Variants in CSGALNACT1 observed in about 807,000 individuals in gnomAD.
CSGALNACT1 encodes chondroitin sulfate N-acetylgalactosaminyltransferase 1.
Under a neutral mutation model 51.0 loss-of-function variants are expected in CSGALNACT1, and 52 were observed. The observed-to-expected ratio is 1.02, with a 90% CI of 0.82 to 1.29. The LOEUF (loss-of-function observed/expected upper bound fraction) is 1.29, where lower values mean the gene tolerates loss of function less well. Ranked by LOEUF, CSGALNACT1 falls within the 50% of genes most tolerant of loss-of-function variation. CSGALNACT1 has a pLI of 0.00. For synonymous variants in CSGALNACT1, 341 were observed against 254.4 expected (o/e 1.34, Z -3.24); for missense variants, 935 against 679.2 (o/e 1.38, Z -4.19).
Position 19,505,185 on chromosome 8 carries a change from T to A in CSGALNACT1, c.634+16A>T. The A allele has an allele frequency of 5.0e-6, 8 of 1,614,070 alleles. No homozygotes were observed. Among genetic ancestry groups the A allele is most frequent in the Non-Finnish European group, 6.8e-6 (8 of 1,179,962 alleles). ...TCCTTTTCTTCTCCTTTCCCCCCAA[T>A]TCACAAAATGCTAACCTTCTATGAA... On this transcript the variant is annotated intron_variant, in intron 4 of 9. Transcript: ENST00000454498.
At chr8:19,637,011 G>C (rs575698862) in intron 1 of CSGALNACT1, among the ~76,000 whole-genome samples, 14 of 150,186 alleles carry the variant, frequency 9.3e-5, no homozygotes, top group Admixed American at 4.0e-4. Context: ...CCAACATGGA[G>C]AAACCCTGTT....
At chr8:19,460,067 G>A (rs1221540696) in intron 4 of CSGALNACT1, among the ~76,000 whole-genome samples, 1 of 152,054 alleles carries the variant, frequency 6.6e-6, no homozygotes, top group Non-Finnish European at 1.5e-5. Context: ...CACTGTCTCT[G>A]GTATTATGAA....
chr8:19,534,131 G>C (rs116518475), intron 3 of CSGALNACT1, among the ~76,000 whole-genome samples: 4,819 of 152,214 alleles, frequency 0.032, 272 homozygotes, highest in African/African-American at 0.11. Flanking sequence ...CTTGATGTTA[G>C]CAAGTTCATA....
At chr8:19,588,406 G>A (rs2047113742) in intron 3 of CSGALNACT1, among the ~76,000 whole-genome samples, 1 of 152,140 alleles carries the variant, frequency 6.6e-6, no homozygotes, top group African/African-American at 2.4e-5. Context: ...AGTATTATTT[G>A]ATTCCAAGTA....
At chr8:19,679,098 A>G (rs564579593) in intron 1 of CSGALNACT1, among the ~76,000 whole-genome samples, 1 of 152,302 alleles carries the variant, frequency 6.6e-6, no homozygotes, top group East Asian at 1.9e-4. Flanking sequence ...AACTTTCATA[A>G]TTATTCTATG....
chr8:19,466,505 G>C (rs2066715350), intron 4 of CSGALNACT1, among the ~76,000 whole-genome samples: 1 of 152,178 alleles, frequency 6.6e-6, no homozygotes, highest in African/African-American at 2.4e-5. Flanking sequence ...CTCTAAAATA[G>C]TATTTTTTAT....
intron 3 of CSGALNACT1, among the ~76,000 whole-genome samples, chr8:19,539,805 A>C (rs2084665088): frequency 6.6e-6 from 1 of 152,150 alleles, no homozygotes; most frequent in South Asian, 2.1e-4. Context: ...TGCCCCTCCT[A>C]CACCCCTGCT....
intron 3 of CSGALNACT1, among the ~76,000 whole-genome samples, chr8:19,570,716 A>G (rs913680932): frequency 2.0e-5 from 3 of 152,202 alleles, no homozygotes; most frequent in Non-Finnish European, 2.9e-5. Flanking sequence ...CTCGGCCAAC[A>G]TGGTGAAACC....
chr8:19,640,967 G>C (rs568923403), intron 1 of CSGALNACT1, among the ~76,000 whole-genome samples: 22 of 151,736 alleles, frequency 1.4e-4, no homozygotes, highest in African/African-American at 5.1e-4. Flanking sequence ...AAACCATAGA[G>C]AAACCCATTA....
At chr8:19,659,574 A>G (rs1052019116) in intron 1 of CSGALNACT1, among the ~76,000 whole-genome samples, 1 of 152,258 alleles carries the variant, frequency 6.6e-6, no homozygotes, top group African/African-American at 2.4e-5. Flanking sequence ...AAATATTTGA[A>G]TTGAATCTGC....
intron 3 of CSGALNACT1, among the ~76,000 whole-genome samples, chr8:19,550,812 A>G (rs2087841701): frequency 6.6e-6 from 1 of 152,208 alleles, no homozygotes; most frequent in African/African-American, 2.4e-5. Flanking sequence ...CTGGGTGCTT[A>G]GAAGGAAGAT....
At chr8:19,416,501 T>G (rs139088541) in intron 8 of CSGALNACT1, among the ~76,000 whole-genome samples, 13 of 152,324 alleles carry the variant, frequency 8.5e-5, no homozygotes, top group South Asian at 2.1e-4. Flanking sequence ...GTCACAGGCC[T>G]TCACATTCAC....
intron 2 of CSGALNACT1, among the ~76,000 whole-genome samples, chr8:19,596,869 A>G (rs377125911): frequency 1.8e-4 from 28 of 152,340 alleles, no homozygotes; most frequent in Non-Finnish European, 4.1e-4. Flanking sequence ...ATTTTTAAGT[A>G]TACAGTCCAG....
At chr8:19,547,432 T>C (rs2086727233) in intron 3 of CSGALNACT1, among the ~76,000 whole-genome samples, 3 of 57,490 alleles carry the variant, frequency 5.2e-5, no homozygotes, top group African/African-American at 7.3e-5. Context: ...GGGAGATAAC[T>C]GAATCATGGG....
intron 1 of CSGALNACT1, among the ~76,000 whole-genome samples, chr8:19,676,040 C>A: frequency 6.8e-6 from 1 of 147,398 alleles, no homozygotes; most frequent in Non-Finnish European, 1.5e-5. Flanking sequence ...GACAGAACTA[C>A]TTGCAGCCTG....
intron 4 of CSGALNACT1, among the ~76,000 whole-genome samples, chr8:19,474,882 A>AAG (rs942470702): frequency 1.2e-4 from 18 of 150,738 alleles, no homozygotes; most frequent in African/African-American, 4.1e-4. Context: ...AAAAAAAAAA[A>AAG]AAAAGAAAAA....
intron 4 of CSGALNACT1, among the ~76,000 whole-genome samples, chr8:19,500,432 C>A (rs996258547): frequency 6.7e-6 from 1 of 148,272 alleles, no homozygotes. Context: ...GAAAGGCTGT[C>A]TTATGATTTC....
At chr8:19,604,340 CATA>C (rs1248773937), upstream of CSGALNACT1, among the ~76,000 whole-genome samples, 4 of 152,188 alleles carry the variant, frequency 2.6e-5, no homozygotes, top group Admixed American at 1.3e-4. Context: ...ACAGCACATC[CATA>C]ATGTGTCCAT....
intron 3 of CSGALNACT1, among the ~76,000 whole-genome samples, chr8:19,575,051 C>A (rs897335152): frequency 6.6e-6 from 1 of 151,928 alleles, no homozygotes; most frequent in African/African-American, 2.4e-5. Flanking sequence ...AAAAAAATTC[C>A]TCTCTCCTCT....
Sources: gnomAD v4.1 joint callset for allele counts (sites outside exome capture counted in the v4.1 genomes callset) on GRCh38, gnomAD v4.1.1 for gene constraint, MANE v1.5 for transcripts, NCBI Gene and HGNC (gene_info 2026-07-23, HGNC 2026-07-21) for gene names.